The following MBP variants were observed in gnomAD, a reference collection of about 807,000 sequenced individuals.
MBP encodes the protein myelin basic protein.
A neutral mutation model predicts 35.8 loss-of-function variants in MBP; 16 were observed. That is an observed-to-expected ratio of 0.45 (90% CI 0.30 to 0.68). The LOEUF (loss-of-function observed/expected upper bound fraction) is 0.68, where lower values mean the gene tolerates loss of function less well. Ranked by LOEUF, MBP falls within the 30% of genes least tolerant of loss-of-function variation. The pLI is 0.08. For missense variants in MBP, 380 were observed against 404.7 expected, an observed-to-expected ratio of 0.94 and a Z score of 0.52; for synonymous variants, 143 against 159.6, an observed-to-expected ratio of 0.90 and a Z score of 0.78.
chr18:77,088,200 T>C (rs1294051596), intron 2 of MBP, among the ~76,000 whole-genome samples: 1 of 151,968 alleles, frequency 6.6e-6, no homozygotes, highest in Non-Finnish European at 1.5e-5. Context: ...AGAAAACCCT[T>C]CCTACCGGTT....
chr18:76,986,140 ACC>A (rs1302369303), intron 7 of MBP: 1 of 985,448 alleles, frequency 1.0e-6, no homozygotes, highest in Non-Finnish European at 1.2e-6. Flanking sequence ...GGGAAGGCTG[ACC>A]ACGCTGTTAG....
intron 3 of MBP, among the ~76,000 whole-genome samples, chr18:77,049,939 C>G (rs779740144): frequency 6.6e-6 from 1 of 152,176 alleles, no homozygotes; most frequent in Non-Finnish European, 1.5e-5. Flanking sequence ...CTCAGCCTCC[C>G]AAAGTGCTAG....
chr18:77,004,376 C>G (rs894893489), intron 4 of MBP: 2 of 151,916 alleles, frequency 1.3e-5, no homozygotes, highest in Admixed American at 1.3e-4. Flanking sequence ...TTTTTAAAAG[C>G]AAGATCAGGG....
Position 76,981,706 on chromosome 18 carries a change from T to C in MBP, c.871-1235A>G, listed in dbSNP as rs2123041180. 3 of 152,344 alleles carry C rather than the reference T, an allele frequency of 2.0e-5. 1 individual carries two copies. The South Asian group carries it at 6.2e-4, about 32-fold the overall frequency. 9.4% of individuals were successfully genotyped at this position (152,344 alleles called of 1,614,324 possible). The stretch of plus-strand genomic sequence containing the variant: ...ATACCGTGGAGGCCTCCTGCCGGCC[T>C]GGGGACTGACAGGTGCAGGGCCCTG... On this transcript the variant is annotated intron_variant, in intron 8 of 8. Coordinates refer to ENST00000355994, the MANE Select transcript of MBP (RefSeq NM_001025101.2).
rs186918327 is a variant in MBP, at chr18:77,053,267, G to A, written c.139+13031C>T. On this transcript the variant is annotated intron_variant, in intron 3 of 8. Transcript: ENST00000355994. ...TCCTCATGGTGGCTGCTTCAGGGGA[G>A]GGGTGGGCAGGGGCCCCACTGCAGG... Among the ~76,000 whole-genome samples, 9 of 152,280 alleles carry A rather than the reference G, an allele frequency of 5.9e-5. No individual in the cohort carries two copies. The East Asian group carries it at 1.7e-3, about 30-fold the overall frequency.
chr18:77,066,393 A>G lies in MBP; in HGVS notation c.52-8T>C. On this transcript the variant is annotated splice_polypyrimidine_tract_variant and splice_region_variant and intron_variant, in intron 2 of 8. Coordinates refer to ENST00000355994, the MANE Select transcript of MBP (RefSeq NM_001025101.2). ...TCTGTTAGTTTCACTATTCTGGAAA[A>G]AGAAAACACAACAAACCCTTTTCTT... 6.5e-7 allele frequency: 1 copy of G among 1,530,998 alleles called. No homozygotes were observed. Among genetic ancestry groups the G allele is most frequent in the Non-Finnish European group, 9.1e-7 (1 of 1,104,708 alleles). The allele number at this position is 1,530,998 out of a possible 1,614,324, so 94.8% of individuals were successfully genotyped here.
At chr18:77,061,282 T>C (rs980474080) in intron 3 of MBP, among the ~76,000 whole-genome samples, 1 of 149,006 alleles carries the variant, frequency 6.7e-6, no homozygotes, top group Non-Finnish European at 1.5e-5. Flanking sequence ...TGTGACTCTT[T>C]GTCTGTGATA....
At chr18:77,123,688 G>A (rs1000253644) in intron 1 of MBP, among the ~76,000 whole-genome samples, 1 of 152,262 alleles carries the variant, frequency 6.6e-6, no homozygotes, top group Non-Finnish European at 1.5e-5. Context: ...GGTGGCTGCA[G>A]ACCACAGGAG....
At chr18:76,995,546 C>T (rs976561940) in intron 4 of MBP, among the ~76,000 whole-genome samples, 6 of 151,956 alleles carry the variant, frequency 3.9e-5, no homozygotes, top group Admixed American at 6.6e-5. Context: ...TCTGACCAGC[C>T]GATTCCTGGC....
At chr18:77,026,550 G>T (rs1972233178) in intron 3 of MBP, among the ~76,000 whole-genome samples, 1 of 152,084 alleles carries the variant, frequency 6.6e-6, no homozygotes, top group Non-Finnish European at 1.5e-5. Flanking sequence ...CCTTTTATTA[G>T]AGATCTCAAA....
rs1977228309 is a variant in MBP, at chr18:77,131,024, A to AC, written c.-26+1555dup. Among the ~76,000 whole-genome samples the AC allele has an allele frequency of 6.7e-5, 5 of 74,278 alleles. No homozygotes were observed. The South Asian group carries it at 2.0e-3, about 30-fold the overall frequency. The allele number at this position is 74,278 out of a possible 152,430, so 48.7% of individuals were successfully genotyped here. On this transcript the variant is annotated intron_variant, in intron 1 of 8. Transcript: ENST00000355994. This position sits in a 1 kb window ranked among gnomAD's most constrained non-coding sequence, Gnocchi z 5.5. ...TTTCCCTCAGATTTCTGTTTTTCCC[A>AC]CAAAAAAAAAAAAAAAACAAAACCT... is the stretch of plus-strand genomic sequence containing the variant.
intron 3 of MBP, among the ~76,000 whole-genome samples, chr18:77,035,614 C>T (rs538192132): frequency 2.0e-5 from 3 of 152,226 alleles, no homozygotes; most frequent in East Asian, 3.9e-4. Context: ...CCCCTGCAGA[C>T]GACGCTAATG....
rs1192399296 is a variant in MBP at position 77,084,426 on chromosome 18, CCACACCACA to C, written c.52-18050_52-18042del. 5.5e-3 allele frequency among the ~76,000 whole-genome samples: 324 copies of C among 58,476 alleles called. 4 individuals carry two copies. Among genetic ancestry groups the C allele is most frequent in the East Asian group, 0.015 (19 of 1,236 alleles). 38.4% of individuals were successfully genotyped at this position (58,476 alleles called of 152,430 possible). Reference sequence around the variant, plus strand: ...TCACAACACCGCCCCCCCCGCCACACCACACCACACACACACACACACACACACACACAC... The same window carrying C: ...TCACAACACCGCCCCCCCCGCCACACCACACACACACACACACACACACAC... On this transcript the variant is annotated intron_variant, in intron 2 of 8. Coordinates refer to ENST00000355994, the MANE Select transcript of MBP (RefSeq NM_001025101.2).
Position 77,120,629 on chromosome 18 carries a change from G to A in MBP, c.-26+11951C>T, listed in dbSNP as rs1366201058. Reference sequence around the variant, plus strand: ...CGCATTGTTAGTCACGAGGTCTATCGCACCAGCAGCAGAAAATTCCAGAGA... The same window carrying A: ...CGCATTGTTAGTCACGAGGTCTATCACACCAGCAGCAGAAAATTCCAGAGA... On this transcript the variant is annotated intron_variant, in intron 1 of 8. Coordinates refer to ENST00000355994, the MANE Select transcript of MBP (RefSeq NM_001025101.2). Among the ~76,000 whole-genome samples the A allele has an allele frequency of 3.9e-5, 6 of 152,266 alleles. No individual in the cohort carries two copies. In the East Asian group the frequency reaches 1.2e-3, roughly 29 times the overall value.
At chr18:77,106,757 CAAT>C (rs1307181724) in intron 1 of MBP, among the ~76,000 whole-genome samples, 1 of 152,272 alleles carries the variant, frequency 6.6e-6, no homozygotes, top group South Asian at 2.1e-4. Context: ...GTGAAAAAAG[CAAT>C]AATAGTTTGA....
chr18:77,000,131 G>T (rs1197346154), intron 4 of MBP, among the ~76,000 whole-genome samples: 3 of 152,262 alleles, frequency 2.0e-5, no homozygotes, highest in East Asian at 1.9e-4. Context: ...ATTAAAAAAA[G>T]ACCTGATTTT....
At chr18:77,047,459 G>A (rs12960582) in intron 3 of MBP, among the ~76,000 whole-genome samples, 17,264 of 152,270 alleles carry the variant, frequency 0.11, 1,233 homozygotes, top group Middle Eastern at 0.17. Context: ...CGCAGTGGCC[G>A]GGGGCTGGGG....
In MBP at chr18:77,131,073, G is replaced by GCT; in HGVS notation, c.-26+1506_-26+1507insAG. ...CTCAAAAAACAAAACACACACACGCGCGCACGCACGCGCACACACACACAC... is the reference window on the plus strand; with the variant it reads ...CTCAAAAAACAAAACACACACACGCGCTCGCACGCACGCGCACACACACACAC... On this transcript the variant is annotated intron_variant, in intron 1 of 8. Transcript: ENST00000355994. This position sits in a 1 kb window ranked among gnomAD's most constrained non-coding sequence, Gnocchi z 5.5. Among the ~76,000 whole-genome samples the GCT allele has an allele frequency of 2.7e-5, 1 of 37,170 alleles. No individual in the cohort carries two copies. Among genetic ancestry groups the GCT allele is most frequent in the South Asian group, 1.3e-3 (1 of 790 alleles). 24.4% of individuals were successfully genotyped at this position (37,170 alleles called of 152,430 possible).
chr18:77,114,370 CCA>C (rs2145181604), intron 1 of MBP: 1 of 152,286 alleles, frequency 6.6e-6, no homozygotes, highest in East Asian at 1.9e-4. Flanking sequence ...ATTACTGGCC[CCA>C]GAGTTCCTAG....
Sources: gnomAD v4.1 joint callset for allele counts (sites outside exome capture counted in the v4.1 genomes callset) on GRCh38, gnomAD v4.1.1 for gene constraint, Gnocchi (gnomAD v3.1) non-coding constraint, MANE v1.5 for transcripts, NCBI Gene and HGNC (gene_info 2026-07-23, HGNC 2026-07-21) for gene names.